CEP170: variants seen among roughly 807,000 people sequenced by gnomAD.
CEP170 encodes the protein centrosomal protein 170, also known as centrosomal protein of 170 kDa.
CEP170 carries 21 observed loss-of-function variants against 151.9 expected under a neutral mutation model. The observed-to-expected ratio is 0.14, with a 90% confidence interval of 0.10 to 0.20. The LOEUF is 0.20. Among genes scored for constraint, CEP170 ranks in the 10% least tolerant of loss-of-function variants. The pLI, the probability that CEP170 is intolerant of heterozygous loss-of-function variation, is 1.00. For synonymous variants in CEP170, 356 were observed against 648.8 expected (o/e 0.55, Z 6.86); for missense variants, 964 against 1,892.9 (o/e 0.51, Z 9.11).
At chr1:243,187,057 C>T (rs1411291863) in intron 8 of CEP170, among the ~76,000 whole-genome samples, 1 of 152,178 alleles carries the variant, frequency 6.6e-6, no homozygotes, top group African/African-American at 2.4e-5. Flanking sequence ...GCACTCCAAA[C>T]TCTAGTGGCT....
At position 243,152,521 on chromosome 1, in the gene CEP170, ATTTTTTTTTTTT is replaced by A. The variant is rs371392454; in HGVS notation, c.3911+3688_3911+3699del. 4.1e-3 allele frequency among the ~76,000 whole-genome samples: 226 copies of A among 54,948 alleles called. 1 individual carries two copies. Among genetic ancestry groups the A allele is most frequent in the African/African-American group, 0.016 (208 of 13,270 alleles). The allele number at this position is 54,948 out of a possible 152,430, so 36.0% of individuals were successfully genotyped here. A position where few individuals can be genotyped will look rare whatever the true frequency, so the allele number is the denominator to read the frequency against. On this transcript the variant is annotated intron_variant, in intron 14 of 19. Transcript: ENST00000366542. ...CAGGCGTGAGCCACCGCGCCCAGCC[ATTTTTTTTTTTT>A]TTTTTTTTTTTTTTTTGAGATAGAG... is the stretch of plus-strand genomic sequence containing the variant.
At chr1:243,193,853 T>G (rs2148787700) in intron 7 of CEP170, among the ~76,000 whole-genome samples, 1 of 151,910 alleles carries the variant, frequency 6.6e-6, no homozygotes, top group East Asian at 2.0e-4. Context: ...AAACAGTATC[T>G]TCCCATAAGA....
At chr1:243,161,564 G>C (rs1334509623) in intron 13 of CEP170, among the ~76,000 whole-genome samples, 2 of 152,026 alleles carry the variant, frequency 1.3e-5, no homozygotes, top group Non-Finnish European at 2.9e-5. Flanking sequence ...TGAACTCCTG[G>C]GCTCAAGTAA....
intron 13 of CEP170, among the ~76,000 whole-genome samples, chr1:243,159,186 C>G (rs1444196230): frequency 6.6e-6 from 1 of 152,140 alleles, no homozygotes; most frequent in Non-Finnish European, 1.5e-5. Flanking sequence ...AATCAGCATA[C>G]AGCAGAGAAA....
intron 2 of CEP170, 105 bp from the exon 3 acceptor site, chr1:243,221,918 A>C: frequency 2.1e-6 from 2 of 939,062 alleles, no homozygotes; most frequent in Non-Finnish European, 3.1e-6. Context: ...AATATAGGGA[A>C]ATATCAAAGT....
chr1:243,153,742 G>T (rs2057323025), intron 14 of CEP170, among the ~76,000 whole-genome samples: 1 of 152,150 alleles, frequency 6.6e-6, no homozygotes, highest in African/African-American at 2.4e-5. Context: ...AAAACTGTGT[G>T]ACTTGCTTTG....
intron 10 of CEP170, among the ~76,000 whole-genome samples, chr1:243,179,645 G>C (rs2148673854): frequency 6.6e-6 from 1 of 152,270 alleles, no homozygotes; most frequent in South Asian, 2.1e-4. Context: ...TAAATTCATT[G>C]AAATAAGTTA....
intron 1 of CEP170, among the ~76,000 whole-genome samples, chr1:243,250,851 T>G (rs1297679619): frequency 6.6e-6 from 1 of 152,216 alleles, no homozygotes; most frequent in Non-Finnish European, 1.5e-5. Context: ...AACACAAGTG[T>G]ATGGCTTGAA....
chr1:243,151,980 G>A (rs1244835203), intron 14 of CEP170, among the ~76,000 whole-genome samples: 1 of 152,106 alleles, frequency 6.6e-6, no homozygotes, highest in Non-Finnish European at 1.5e-5. Flanking sequence ...CTCTGCTTGT[G>A]CTCTACAAAT....
At chr1:243,160,541 G>GTA (rs2057981578) in intron 13 of CEP170, among the ~76,000 whole-genome samples, 1 of 152,106 alleles carries the variant, frequency 6.6e-6, no homozygotes, top group African/African-American at 2.4e-5. Flanking sequence ...AGAGTTGTTA[G>GTA]TATCATATTT....
chr1:243,161,047 G>A (rs2058024194), intron 13 of CEP170, among the ~76,000 whole-genome samples: 1 of 149,700 alleles, frequency 6.7e-6, no homozygotes, highest in Non-Finnish European at 1.5e-5. Flanking sequence ...AGGAGACTGG[G>A]CGCAGTGGCT....
chr1:243,193,533 T>C (rs2060449058), intron 7 of CEP170, among the ~76,000 whole-genome samples: 1 of 152,054 alleles, frequency 6.6e-6, no homozygotes, highest in Admixed American at 6.6e-5. Context: ...ACAAAAAAGC[T>C]GGCCAGGGAT....
chr1:243,133,552 A>C (rs1219379906), intron 17 of CEP170, among the ~76,000 whole-genome samples: 1 of 152,152 alleles, frequency 6.6e-6, no homozygotes, highest in Non-Finnish European at 1.5e-5. Context: ...TGATATTAAT[A>C]AGCAGCTGTG....
intron 7 of CEP170, among the ~76,000 whole-genome samples, chr1:243,197,252 T>G (rs973539466): frequency 1.3e-5 from 2 of 151,828 alleles, no homozygotes; most frequent in Non-Finnish European, 2.9e-5. Flanking sequence ...CACTCAAAAT[T>G]TACAAATAAA....
intron 14 of CEP170, among the ~76,000 whole-genome samples, chr1:243,152,780 C>T (rs1199364130): frequency 6.6e-6 from 1 of 152,018 alleles, no homozygotes; most frequent in African/African-American, 2.4e-5. Flanking sequence ...ATCTGCCTGC[C>T]TCGGCCTCCC....
chr1:243,232,231 C>T (rs1028532546), intron 1 of CEP170, among the ~76,000 whole-genome samples: 2 of 152,144 alleles, frequency 1.3e-5, no homozygotes, highest in Non-Finnish European at 2.9e-5. Context: ...TCTCAAAGTG[C>T]TGAGATTACA....
chr1:243,221,958 G>A (rs2062856008), intron 2 of CEP170, 145 bp from the exon 3 acceptor site: 3 of 612,772 alleles, frequency 4.9e-6, no homozygotes, highest in Admixed American at 4.0e-5. Context: ...TTAAAACGGT[G>A]CCACTATACA....
intron 1 of CEP170, among the ~76,000 whole-genome samples, chr1:243,229,432 A>G (rs1308093782): frequency 6.6e-6 from 1 of 152,260 alleles, no homozygotes; most frequent in East Asian, 1.9e-4. Context: ...GAGGGAAAAA[A>G]AAGGCCAAGA....
chr1:243,200,958 C>G, intron 4 of CEP170, 123 bp from the exon 5 acceptor site: 1 of 945,648 alleles, frequency 1.1e-6, no homozygotes, highest in Non-Finnish European at 1.5e-6. Flanking sequence ...TATTATATTT[C>G]CCCTGAATAG....
Sources: allele counts gnomAD v4.1 joint callset (sites outside exome capture counted in the v4.1 genomes callset), GRCh38; gene constraint gnomAD v4.1.1; transcripts MANE v1.5; gene names NCBI Gene and HGNC (gene_info 2026-07-23, HGNC 2026-07-21).